Variants in LANCL1 observed in about 807,000 individuals in gnomAD.
The protein encoded by LANCL1 is LanC like glutathione S-transferase 1.
A neutral mutation model predicts 50.6 loss-of-function variants in LANCL1; 50 were observed. The ratio of observed to expected loss-of-function variants is 0.99; its 90% CI spans 0.79 to 1.25. The LOEUF is 1.25. Ranked by LOEUF, LANCL1 falls within the 50% of genes most tolerant of loss-of-function variation. LANCL1 has a pLI of 0.00. For missense variants in LANCL1, 532 were observed against 480.7 expected, an observed-to-expected ratio of 1.11 and a Z score of -1.00; for synonymous variants, 188 against 178.6, an observed-to-expected ratio of 1.05 and a Z score of -0.42.
intron 3 of LANCL1, chr2:210,468,253 G>A (rs1175324709): frequency 6.7e-6 from 1 of 149,962 alleles, no homozygotes; most frequent in Non-Finnish European, 1.5e-5. Flanking sequence ...TGGAAACAAA[G>A]AACAGATAAA....
At chr2:210,459,389 T>C (rs1048570071) in intron 3 of LANCL1, among the ~76,000 whole-genome samples, 1 of 152,106 alleles carries the variant, frequency 6.6e-6, no homozygotes, top group Non-Finnish European at 1.5e-5. Flanking sequence ...GTATAGTACT[T>C]TGAATTACTA....
chr2:210,455,456 C>T (rs768964611), intron 3 of LANCL1, 142 bp from the exon 4 acceptor site: 4 of 682,930 alleles, frequency 5.9e-6, no homozygotes, highest in Non-Finnish European at 9.7e-6. Context: ...GACTTTAATT[C>T]TAGGCTCAGC....
chr2:210,469,657 G>A (rs576967736), intron 3 of LANCL1, among the ~76,000 whole-genome samples: 5 of 152,270 alleles, frequency 3.3e-5, no homozygotes, highest in African/African-American at 7.2e-5. Flanking sequence ...AAGGTTGAAG[G>A]ATATTGGCAT....
intron 3 of LANCL1, among the ~76,000 whole-genome samples, chr2:210,461,856 A>C (rs1693872823): frequency 6.6e-6 from 1 of 152,128 alleles, no homozygotes; most frequent in Non-Finnish European, 1.5e-5. Flanking sequence ...ATTGTCTCTT[A>C]AAGACAGTAG....
chr2:210,473,347 C>G (rs557229985), intron 2 of LANCL1, among the ~76,000 whole-genome samples: 1 of 152,234 alleles, frequency 6.6e-6, no homozygotes, highest in Admixed American at 6.5e-5. Context: ...TGCACTCCAG[C>G]CTGGGCAACA....
At chr2:210,477,279 C>T (rs945097724), upstream of LANCL1, among the ~76,000 whole-genome samples, 34 of 152,076 alleles carry the variant, frequency 2.2e-4, no homozygotes, top group Admixed American at 1.8e-3. Flanking sequence ...AATTACAGCT[C>T]TTAGGAAATT....
At chr2:210,472,847 A>G (rs1694263363) in intron 2 of LANCL1, among the ~76,000 whole-genome samples, 1 of 152,176 alleles carries the variant, frequency 6.6e-6, no homozygotes, top group Non-Finnish European at 1.5e-5. Flanking sequence ...TCATTCAGGG[A>G]TGTAAATGTT....
chr2:210,476,266 G>A (rs747454233), intron 2 of LANCL1, 50 bp downstream of exon 2: 2 of 1,406,364 alleles, frequency 1.4e-6, no homozygotes, highest in Non-Finnish European at 2.0e-6. Flanking sequence ...GCACCTTTCC[G>A]AACACCGTGG....
At chr2:210,452,832 T>C (rs145212429) in intron 4 of LANCL1, among the ~76,000 whole-genome samples, 1 of 152,120 alleles carries the variant, frequency 6.6e-6, no homozygotes, top group Admixed American at 6.6e-5. Context: ...TAGAACATGA[T>C]GTTGGCAATG....
chr2:210,472,714 T>C (rs1217746108), intron 2 of LANCL1, among the ~76,000 whole-genome samples: 2 of 152,224 alleles, frequency 1.3e-5, no homozygotes, highest in Non-Finnish European at 2.9e-5. Flanking sequence ...TTAGCTGATC[T>C]TGCTCAACTC....
upstream of LANCL1, chr2:210,477,556 T>C: frequency 1.4e-6 from 2 of 1,390,132 alleles, no homozygotes; most frequent in Non-Finnish European, 9.3e-7. Context: ...TGAAGAGTCC[T>C]AGCTCCAGAC....
At chr2:210,440,841 G>A in intron 5 of LANCL1, 97 bp from the exon 6 acceptor site, 1 of 992,050 alleles carries the variant, frequency 1.0e-6, no homozygotes, top group Non-Finnish European at 1.5e-6. Context: ...TGGGGAACAT[G>A]ACAAATTAGA....
chr2:210,471,393 G>A (rs1574445190), intron 3 of LANCL1: 1 of 354,124 alleles, frequency 2.8e-6, no homozygotes, highest in South Asian at 2.2e-5. Context: ...TCAATGCACT[G>A]TTTCTTCCTA....
At chr2:210,477,375 A>G, upstream of LANCL1, 1 of 368,628 alleles carries the variant, frequency 2.7e-6, no homozygotes, top group Non-Finnish European at 3.9e-6. Context: ...CAGGAGATCC[A>G]CAACATTCAA....
rs1312218029 is a variant in LANCL1 at position 210,460,491 on chromosome 2, GAAGTGA to G, written c.200-5183_200-5178del. The G allele has an allele frequency of 7.2e-5, 11 of 152,188 alleles. 1 individual carries two copies. Among genetic ancestry groups the G allele is most frequent in the East Asian group, 3.9e-4 (2 of 5,174 alleles). 9.4% of individuals were successfully genotyped at this position (152,188 alleles called of 1,614,324 possible). On this transcript the variant is annotated intron_variant, in intron 3 of 9. Transcript: ENST00000450366. ...TCTTTTCAGATTTATGAAAAAATAA[GAAGTGA>G]AAGTATTCTCTGACTGCAAGTATGA...
intron 4 of LANCL1, among the ~76,000 whole-genome samples, chr2:210,453,772 G>C (rs1460819022): frequency 6.6e-6 from 1 of 152,150 alleles, no homozygotes; most frequent in Non-Finnish European, 1.5e-5. Flanking sequence ...ATTTAGGTGA[G>C]TATGGAACAG....
chr2:210,457,673 T>A (rs1353460083), intron 3 of LANCL1, among the ~76,000 whole-genome samples: 1 of 152,220 alleles, frequency 6.6e-6, no homozygotes, highest in African/African-American at 2.4e-5. Context: ...TCTGGTTTAC[T>A]GTGTTCCTGC....
rs184237651 is a variant in LANCL1 at position 210,471,897 on chromosome 2, C to T, written c.199+62G>A. 158 of 1,167,420 alleles carry T rather than the reference C, an allele frequency of 1.4e-4. No individual in the cohort carries two copies. In the African/African-American group the frequency reaches 1.9e-3, roughly 14 times the overall value. 72.3% of individuals were successfully genotyped at this position (1,167,420 alleles called of 1,614,324 possible). On this transcript the variant is annotated intron_variant, in intron 3 of 9. Transcript: ENST00000450366. ...GTGTACCATTCAGACAGACAGCTCT[C>T]GGAAAAATGCTCTGGCTCTTAAGCA...
intron 4 of LANCL1, among the ~76,000 whole-genome samples, chr2:210,443,461 G>A (rs1263181487): frequency 6.6e-6 from 1 of 152,178 alleles, no homozygotes; most frequent in Non-Finnish European, 1.5e-5. Flanking sequence ...AACTCTGGAA[G>A]AAAGTAGTAA....
Sources: allele counts gnomAD v4.1 joint callset (sites outside exome capture counted in the v4.1 genomes callset), GRCh38; gene constraint gnomAD v4.1.1; transcripts MANE v1.5; gene names NCBI Gene and HGNC (gene_info 2026-07-23, HGNC 2026-07-21).